Variants in IL23R observed in about 807,000 individuals in gnomAD.
The protein encoded by IL23R is interleukin 23 receptor.
In IL23R, 34 loss-of-function variants were observed where a neutral mutation model predicts 56.9. That is an observed-to-expected ratio of 0.60 (90% CI 0.45 to 0.80). The LOEUF (loss-of-function observed/expected upper bound fraction) is 0.80. IL23R is among the 30% of genes least tolerant of loss of function. The probability of loss-of-function intolerance (pLI) is 0.00; values close to 1 mark genes in which losing one functional copy is unlikely to be tolerated. For missense variants in IL23R, 635 were observed against 730.0 expected, an observed-to-expected ratio of 0.87 and a Z score of 1.50; for synonymous variants, 230 against 249.2, an observed-to-expected ratio of 0.92 and a Z score of 0.73.
At chr1:67,192,100 A>T (rs1191192281) in intron 4 of IL23R, among the ~76,000 whole-genome samples, 3 of 152,214 alleles carry the variant, frequency 2.0e-5, no homozygotes, top group Non-Finnish European at 4.4e-5. Flanking sequence ...GATAAAGGGA[A>T]GCTTTTATTA....
intron 10 of IL23R, among the ~76,000 whole-genome samples, chr1:67,256,407 G>T (rs969230564): frequency 2.0e-5 from 3 of 152,332 alleles, no homozygotes; most frequent in East Asian, 1.9e-4. Context: ...GAACAATAGT[G>T]TCACAGGGGT....
chr1:67,228,363 C>CTTTTTTTTTT (rs78083258), intron 7 of IL23R, among the ~76,000 whole-genome samples: 31,225 of 103,216 alleles, frequency 0.3, 5,734 homozygotes, highest in East Asian at 0.78. Flanking sequence ...TTTTTTCTTC[C>CTTTTTTTTTT]TTTTTTTTTT....
At chr1:67,237,721 A>C (rs192572817) in intron 8 of IL23R, among the ~76,000 whole-genome samples, 32 of 152,356 alleles carry the variant, frequency 2.1e-4, no homozygotes, top group Admixed American at 2.0e-3. Context: ...ATGGGTGAAC[A>C]TAACTCTAAA....
intron 3 of IL23R, among the ~76,000 whole-genome samples, chr1:67,181,306 G>A (rs150006625): frequency 0.025 from 3,782 of 152,150 alleles, 149 homozygotes; most frequent in African/African-American, 0.086. Context: ...ACATAGTCCC[G>A]TATTTCTTGG....
chr1:67,186,711 T>G (rs1414570374), intron 4 of IL23R, among the ~76,000 whole-genome samples: 1 of 150,904 alleles, frequency 6.6e-6, no homozygotes. Context: ...CTCTGCCTCC[T>G]GGGTTCAAGT....
intron 9 of IL23R, among the ~76,000 whole-genome samples, chr1:67,251,499 A>G (rs749968060): frequency 1.3e-5 from 2 of 151,976 alleles, no homozygotes; most frequent in Non-Finnish European, 2.9e-5. Context: ...AAATATACCT[A>G]TAGCTTGGAT....
chr1:67,227,994 C>CT (rs374586081), intron 7 of IL23R, among the ~76,000 whole-genome samples: 2 of 94,036 alleles, frequency 2.1e-5, no homozygotes, highest in South Asian at 2.9e-4. Flanking sequence ...TTCTTTCTTT[C>CT]TTTCTTTCTT....
chr1:67,168,260 A>C, intron 2 of IL23R, 70 bp downstream of exon 2: 1 of 1,118,528 alleles, frequency 8.9e-7, no homozygotes, highest in South Asian at 1.2e-5. Context: ...TATCATTTTC[A>C]TGGTTTTATG....
Position 67,225,518 on chromosome 1 carries a change from CT to C in IL23R, c.955+5801del, listed in dbSNP as rs34530155. 2.0e-3 allele frequency among the ~76,000 whole-genome samples: 294 copies of C among 145,458 alleles called. 1 individual carries two copies. Among genetic ancestry groups the C allele is most frequent in the African/African-American group, 4.4e-3 (175 of 39,824 alleles). ...AATCTACATTAAGAATGCTTGGGCACTTTTTTTTTTTTTGATACAGTCTCGC... is the reference window on the plus strand; with the variant it reads ...AATCTACATTAAGAATGCTTGGGCACTTTTTTTTTTTTGATACAGTCTCGC... On this transcript the variant is annotated intron_variant, in intron 7 of 10. Transcript: ENST00000347310.
intron 3 of IL23R, 93 bp from the exon 4 acceptor site, chr1:67,182,743 A>T: frequency 1.5e-6 from 2 of 1,331,060 alleles, no homozygotes; most frequent in African/African-American, 1.4e-5. Flanking sequence ...TGGGAGCTGT[A>T]GACTGGAGCT....
At chr1:67,217,878 G>T (rs1649947811) in intron 6 of IL23R, among the ~76,000 whole-genome samples, 1 of 151,618 alleles carries the variant, frequency 6.6e-6, no homozygotes, top group Non-Finnish European at 1.5e-5. Flanking sequence ...AAGCATCCCT[G>T]AATGAGGTTG....
chr1:67,169,073 G>A (rs746013980), intron 2 of IL23R, among the ~76,000 whole-genome samples: 1 of 150,252 alleles, frequency 6.7e-6, no homozygotes, highest in Non-Finnish European at 1.5e-5. Flanking sequence ...CCTGGAAGGC[G>A]GATGTTGCAG....
At chr1:67,143,909 G>A (rs926540094) in intron 1 of IL23R, among the ~76,000 whole-genome samples, 1 of 152,100 alleles carries the variant, frequency 6.6e-6, no homozygotes, top group Non-Finnish European at 1.5e-5. Context: ...AATTTCATAA[G>A]TAGTTTCAAA....
chr1:67,228,164 T>C (rs568268400), intron 7 of IL23R, among the ~76,000 whole-genome samples: 2 of 100,802 alleles, frequency 2.0e-5, no homozygotes, highest in African/African-American at 8.2e-5. Context: ...CCTTCCTTCC[T>C]TCCTTCCTTC....
At chr1:67,155,171 A>G (rs1345965509) in intron 1 of IL23R, among the ~76,000 whole-genome samples, 1 of 152,142 alleles carries the variant, frequency 6.6e-6, no homozygotes, top group Non-Finnish European at 1.5e-5. Context: ...TGTTAGTCTG[A>G]TGGGCTTCCC....
chr1:67,199,930 T>C (rs1648484373), intron 4 of IL23R, among the ~76,000 whole-genome samples: 1 of 152,230 alleles, frequency 6.6e-6, no homozygotes, highest in Non-Finnish European at 1.5e-5. Flanking sequence ...ATCCTAGCAC[T>C]TTAGAAGGCT....
intron 9 of IL23R, among the ~76,000 whole-genome samples, chr1:67,246,492 A>G (rs1652234319): frequency 6.6e-6 from 1 of 152,210 alleles, no homozygotes; most frequent in Admixed American, 6.5e-5. Context: ...AATGTGTCCC[A>G]GAGATTCTGG....
intron 6 of IL23R, among the ~76,000 whole-genome samples, chr1:67,216,080 G>T (rs750969722): frequency 2.0e-5 from 3 of 152,044 alleles, no homozygotes; most frequent in Non-Finnish European, 2.9e-5. Flanking sequence ...TATCTTTATG[G>T]GCTGTCTCCT....
chr1:67,188,811 A>G (rs1647538738), intron 4 of IL23R, among the ~76,000 whole-genome samples: 1 of 152,118 alleles, frequency 6.6e-6, no homozygotes. Flanking sequence ...TAGGGGCACT[A>G]AATTGATTCA....
Sources: allele counts gnomAD v4.1 joint callset (sites outside exome capture counted in the v4.1 genomes callset), GRCh38; gene constraint gnomAD v4.1.1; transcripts MANE v1.5; gene names NCBI Gene and HGNC (gene_info 2026-07-23, HGNC 2026-07-21).